The following PAQR5 variants were observed in gnomAD, a reference collection of about 807,000 sequenced individuals.
PAQR5 encodes membrane progestin receptor gamma.
A neutral mutation model predicts 34.5 loss-of-function variants in PAQR5; 20 were observed. The ratio of observed to expected loss-of-function variants is 0.58; its 90% confidence interval spans 0.41 to 0.84. The LOEUF (loss-of-function observed/expected upper bound fraction) is 0.84. PAQR5 is among the 40% of genes least tolerant of loss of function. The pLI is 0.00. For synonymous variants in PAQR5, 131 were observed against 155.6 expected, an observed-to-expected ratio of 0.84 and a Z score of 1.18; for missense variants, 378 against 412.7, an observed-to-expected ratio of 0.92 and a Z score of 0.73.
chr15:69,332,776 T>G (rs1462730234), intron 1 of PAQR5, among the ~76,000 whole-genome samples: 1 of 19,956 alleles, frequency 5.0e-5, no homozygotes, highest in Non-Finnish European at 9.6e-5. Context: ...ATTCTAAATC[T>G]TGTAAAAAAA....
chr15:69,341,183 G>A (rs1393405500), intron 2 of PAQR5, among the ~76,000 whole-genome samples: 12 of 44,800 alleles, frequency 2.7e-4, no homozygotes, highest in East Asian at 9.1e-4. Context: ...CCCTCTACCC[G>A]CCCCCGGCCC....
At chr15:69,400,448 C>T (rs528133319) in intron 8 of PAQR5, among the ~76,000 whole-genome samples, 4 of 152,240 alleles carry the variant, frequency 2.6e-5, no homozygotes, top group East Asian at 1.9e-4. Flanking sequence ...AATCCCAGCA[C>T]GTTGGGAGGC....
At chr15:69,382,013 T>G (rs2055897229) in intron 4 of PAQR5, among the ~76,000 whole-genome samples, 1 of 152,108 alleles carries the variant, frequency 6.6e-6, no homozygotes, top group African/African-American at 2.4e-5. Context: ...TGGTGAAGAA[T>G]TTTGAAGTGT....
Position 69,319,187 on chromosome 15 carries a change from ATATATATATATATATATATATAT to A in PAQR5, c.-276-18153_-276-18131del, listed in dbSNP as rs1415674933. Reference sequence around the variant, plus strand: ...TATATATATATATATATATATATATATATATATATATATATATATATATATGAATGTGGTCTCTCCCTCTCCCA... The same window carrying A: ...TATATATATATATATATATATATATAATGAATGTGGTCTCTCCCTCTCCCA... On this transcript the variant is annotated intron_variant, in intron 1 of 8. Coordinates refer to ENST00000395407, the MANE Select transcript of PAQR5 (RefSeq NM_017705.4). Among the ~76,000 whole-genome samples, 64 of 6,116 alleles carry A rather than the reference ATATATATATATATATATATATAT, an allele frequency of 0.01. No homozygotes were observed. In the Non-Finnish European group the frequency reaches 0.11, roughly 11 times the overall value. The allele number at this position is 6,116 out of a possible 152,430, so 4.0% of individuals were successfully genotyped here.
In PAQR5 at chr15:69,384,849, C is replaced by G. The variant is rs1567034889; in HGVS notation, c.352C>G (p.Leu118Val). The G allele has an allele frequency of 6.2e-7, 1 of 1,614,094 alleles. No homozygotes were observed. The highest frequency in any genetic ancestry group is 2.2e-5 in the East Asian group (1 of 44,884). ...GAATGCCCGGCACATTTGCTACTTC[C>G]TGGACTATGGTGCCGTCAACCTCTT... is the stretch of plus-strand genomic sequence containing the variant. ...SKNARHICYFLDYGAVNLFSL... is the reference protein window; with the variant it reads ...SKNARHICYFVDYGAVNLFSL... The change falls in exon 5 of 9, where the codon CTG (leucine) becomes GTG (valine). Residue 118 changes from leucine (L) to valine (V), a missense_variant. Transcript: ENST00000395407.
At chr15:69,340,685 A>T (rs2054618565) in intron 2 of PAQR5, among the ~76,000 whole-genome samples, 1 of 151,814 alleles carries the variant, frequency 6.6e-6, no homozygotes, top group South Asian at 2.1e-4. Flanking sequence ...GGTCCTTCCA[A>T]CTCTAGGACC....
chr15:69,353,569 T>G (rs941160884), intron 2 of PAQR5, among the ~76,000 whole-genome samples: 3 of 152,138 alleles, frequency 2.0e-5, no homozygotes, highest in East Asian at 3.9e-4. Context: ...CAGAGCCAGC[T>G]AGGTGGCAAT....
intron 8 of PAQR5, among the ~76,000 whole-genome samples, chr15:69,403,251 G>A (rs962435010): frequency 1.3e-5 from 2 of 152,156 alleles, no homozygotes; most frequent in African/African-American, 4.8e-5. Flanking sequence ...AATTTATTAA[G>A]GTATATTTCA....
chr15:69,300,631 TTCTTTCTTTC>T lies in PAQR5; in HGVS notation c.-277+1577_-277+1586del, dbSNP rs2053527297. 4.4e-5 allele frequency among the ~76,000 whole-genome samples: 2 copies of T among 45,464 alleles called. 1 individual carries two copies. The highest frequency in any genetic ancestry group is 1.0e-4 in the Non-Finnish European group (2 of 19,216). The allele number at this position is 45,464 out of a possible 152,430, so 29.8% of individuals were successfully genotyped here. On this transcript the variant is annotated intron_variant, in intron 1 of 8. Transcript: ENST00000395407. ...TTTCTTTCTTTCTTTCTTTCTTTCT[TTCTTTCTTTC>T]TTTCTTTCTTTTCTTTCTTTCTTTC...
intron 1 of PAQR5, among the ~76,000 whole-genome samples, chr15:69,326,175 C>T (rs377653801): frequency 1.9e-4 from 29 of 152,266 alleles, no homozygotes; most frequent in African/African-American, 6.7e-4. Context: ...GCTCCAAAGA[C>T]GCCAGCCAAA....
chr15:69,360,619 T>C (rs1380506881), intron 3 of PAQR5, among the ~76,000 whole-genome samples: 1 of 152,188 alleles, frequency 6.6e-6, no homozygotes, highest in African/African-American at 2.4e-5. Flanking sequence ...CCCATGGGCC[T>C]GGGAGCTCAC....
At chr15:69,349,476 G>A (rs558232354) in intron 2 of PAQR5, among the ~76,000 whole-genome samples, 3 of 152,152 alleles carry the variant, frequency 2.0e-5, no homozygotes, top group Non-Finnish European at 2.9e-5. Flanking sequence ...GGATCAGGCC[G>A]AATTTATTGC....
At chr15:69,320,898 A>C (rs2054079579) in intron 1 of PAQR5, among the ~76,000 whole-genome samples, 1 of 152,096 alleles carries the variant, frequency 6.6e-6, no homozygotes, top group Non-Finnish European at 1.5e-5. Context: ...GCTTTTCCTG[A>C]CTCTACCCTA....
chr15:69,349,215 T>C (rs2054849664), intron 2 of PAQR5, among the ~76,000 whole-genome samples: 1 of 152,166 alleles, frequency 6.6e-6, no homozygotes, highest in Non-Finnish European at 1.5e-5. Context: ...TCTGCTCGCC[T>C]GAGGAACCAG....
chr15:69,350,764 T>G (rs940172394), intron 2 of PAQR5, among the ~76,000 whole-genome samples: 4 of 152,158 alleles, frequency 2.6e-5, no homozygotes, highest in African/African-American at 9.7e-5. Flanking sequence ...AGCCAGTTTA[T>G]AGACCCAAAA....
At chr15:69,310,175 C>T (rs996442258) in intron 1 of PAQR5, among the ~76,000 whole-genome samples, 1 of 152,166 alleles carries the variant, frequency 6.6e-6, no homozygotes, top group African/African-American at 2.4e-5. Context: ...CAGTTTTGAG[C>T]CTTTTGCCAC....
chr15:69,302,478 C>G (rs1398013570), intron 1 of PAQR5, among the ~76,000 whole-genome samples: 1 of 152,176 alleles, frequency 6.6e-6, no homozygotes, highest in African/African-American at 2.4e-5. Context: ...GGTCTGAGAG[C>G]CCCTGTAGTT....
intron 2 of PAQR5, among the ~76,000 whole-genome samples, chr15:69,351,303 A>G (rs2054912020): frequency 6.6e-6 from 1 of 152,256 alleles, no homozygotes; most frequent in African/African-American, 2.4e-5. Context: ...CGGCTTATGT[A>G]TTTGGCCTGT....
At chr15:69,396,798 G>C in intron 6 of PAQR5, 2 of 269,360 alleles carry the variant, frequency 7.4e-6, no homozygotes, top group Admixed American at 1.0e-4. Flanking sequence ...TGTTCTGTCT[G>C]GGGGGACCTG....
Sources: allele counts gnomAD v4.1 joint callset (sites outside exome capture counted in the v4.1 genomes callset), GRCh38; gene constraint gnomAD v4.1.1; transcripts MANE v1.5; gene names NCBI Gene and HGNC (gene_info 2026-07-23, HGNC 2026-07-21).